Variants in SERINC5 observed in about 807,000 individuals in gnomAD.
SERINC5 encodes the protein chromosome 5 open reading frame 12.
Under a neutral mutation model 63.1 loss-of-function variants are expected in SERINC5, and 41 were observed. The observed-to-expected ratio is 0.65, with a 90% CI of 0.51 to 0.84. The LOEUF is 0.84. Among genes scored for constraint, SERINC5 ranks in the 40% least tolerant of loss-of-function variants. The probability of loss-of-function intolerance (pLI) is 0.00; values close to 1 mark genes in which losing one functional copy is unlikely to be tolerated. For synonymous variants in SERINC5, 222 were observed against 215.2 expected (o/e 1.03, Z -0.28); for missense variants, 523 against 573.0 (o/e 0.91, Z 0.89).
chr5:80,164,345 G>A (rs945123405), intron 7 of SERINC5, among the ~76,000 whole-genome samples: 3 of 150,522 alleles, frequency 2.0e-5, no homozygotes, highest in African/African-American at 7.3e-5. Context: ...TTTTGGGGGG[G>A]AGGGGGGTCT....
At chr5:80,167,647 GC>G (rs1747391557) in intron 6 of SERINC5, among the ~76,000 whole-genome samples, 1 of 152,140 alleles carries the variant, frequency 6.6e-6, no homozygotes, top group African/African-American at 2.4e-5. Flanking sequence ...TTGCCACCCT[GC>G]TTTCCACTAT....
chr5:80,162,802 G>C (rs887304633), intron 7 of SERINC5, among the ~76,000 whole-genome samples: 1 of 151,540 alleles, frequency 6.6e-6, no homozygotes, highest in Non-Finnish European at 1.5e-5. Flanking sequence ...TTCTTGATTT[G>C]GTTCTCTGCT....
intron 2 of SERINC5, among the ~76,000 whole-genome samples, chr5:80,184,920 A>G (rs1748706147): frequency 6.6e-6 from 1 of 152,126 alleles, no homozygotes; most frequent in Non-Finnish European, 1.5e-5. Flanking sequence ...TCTGTTGCCC[A>G]GGCTGGAGTG....
intron 1 of SERINC5, among the ~76,000 whole-genome samples, chr5:80,246,588 A>G (rs1752179249): frequency 6.6e-6 from 1 of 152,296 alleles, no homozygotes; most frequent in South Asian, 2.1e-4. Flanking sequence ...AAAACCCACT[A>G]AGTCTTTCCA....
rs1434235629 is a variant in SERINC5 at position 80,138,885 on chromosome 5, AC to A, written c.*4777del. The A allele has an allele frequency of 2.0e-5, 19 of 974,030 alleles. No individual in the cohort carries two copies. The South Asian group carries it at 2.9e-4, about 15-fold the overall frequency. The allele number at this position is 974,030 out of a possible 1,614,324, so 60.3% of individuals were successfully genotyped here. A position where few individuals can be genotyped will look rare whatever the true frequency, so the allele number is the denominator to read the frequency against. ...TATGTATCTAGCAGAAGAGAAAAAAACAACACAGTTTTAATTTTAAATTTTA... is the reference window on the plus strand; with the variant it reads ...TATGTATCTAGCAGAAGAGAAAAAAAAACACAGTTTTAATTTTAAATTTTA... On this transcript the variant is annotated 3_prime_UTR_variant, in exon 12 of 12. Transcript: ENST00000507668.
chr5:80,133,647 C>G (rs1163640814), intron 11 of SERINC5, among the ~76,000 whole-genome samples: 1 of 152,220 alleles, frequency 6.6e-6, no homozygotes, highest in Non-Finnish European at 1.5e-5. Flanking sequence ...AAGAACAAAT[C>G]TAAGATGCTG....
intron 2 of SERINC5, among the ~76,000 whole-genome samples, chr5:80,188,705 G>A (rs1748992616): frequency 6.6e-6 from 1 of 152,124 alleles, no homozygotes; most frequent in Non-Finnish European, 1.5e-5. Context: ...GGGCAGCACA[G>A]TGAGAGACCC....
intron 2 of SERINC5, among the ~76,000 whole-genome samples, chr5:80,185,540 C>CT (rs56390961): frequency 1 from 152,280 of 152,280 alleles, 76,140 homozygotes; most frequent in Non-Finnish European, 1. Flanking sequence ...ACCAAACAGG[C>CT]TTGTGTGAGC....
At chr5:80,245,223 A>C (rs969618415) in intron 1 of SERINC5, among the ~76,000 whole-genome samples, 1 of 152,194 alleles carries the variant, frequency 6.6e-6, no homozygotes, top group South Asian at 2.1e-4. Flanking sequence ...TGAGAAGCTG[A>C]GAAATGATGG....
chr5:80,127,711 T>A (rs1007548629), intron 11 of SERINC5, among the ~76,000 whole-genome samples: 1 of 152,190 alleles, frequency 6.6e-6, no homozygotes, highest in African/African-American at 2.4e-5. Flanking sequence ...TCAGTTTTGT[T>A]AATATTTTAT....
chr5:80,251,901 A>T (rs1554072993), intron 1 of SERINC5, among the ~76,000 whole-genome samples: 1 of 151,824 alleles, frequency 6.6e-6, no homozygotes, highest in Non-Finnish European at 1.5e-5. Context: ...GAAGCCTATT[A>T]ATTTCAGCAT....
intron 11 of SERINC5, among the ~76,000 whole-genome samples, chr5:80,145,544 T>C (rs141982545): frequency 6.6e-6 from 1 of 152,174 alleles, no homozygotes; most frequent in Non-Finnish European, 1.5e-5. Context: ...GGGAAAAAGA[T>C]ACACAAAATT....
intron 8 of SERINC5, chr5:80,158,602 G>A (rs1323906847): frequency 1.5e-5 from 7 of 473,300 alleles, no homozygotes; most frequent in Non-Finnish European, 2.3e-5. Context: ...AAACAAGTAA[G>A]GTAAACGAAG....
intron 1 of SERINC5, among the ~76,000 whole-genome samples, chr5:80,251,729 C>CA (rs559105559): frequency 0.098 from 9,168 of 93,372 alleles, 370 homozygotes; most frequent in East Asian, 0.22. Context: ...GACGCTGTCT[C>CA]AAAAAAAAAA....
chr5:80,178,048 T>A lies in SERINC5; in HGVS notation c.212A>T (p.Asp71Val). ...KMKEHIPFFE[D>V]MCKGIKAGDT... is the part of the protein sequence containing the mutation. ...ACCAGCTTTAATGCCTTTACACATA[T>A]CTTCAAAAAAAGGAATCTGAGGAGA... The change falls in exon 3 of 12, where the codon GAT (aspartate) becomes GTT (valine). Residue 71 changes from aspartate (D) to valine (V), a missense_variant. Asp to Val is a radical substitution (Grantham distance 152). Transcript: ENST00000507668. 2 of 1,594,236 alleles carry A rather than the reference T, an allele frequency of 1.3e-6. No individual in the cohort carries two copies. The highest frequency in any genetic ancestry group is 1.7e-6 in the Non-Finnish European group (2 of 1,174,104).
intron 11 of SERINC5, among the ~76,000 whole-genome samples, chr5:80,144,358 G>A (rs994809705): frequency 6.6e-6 from 1 of 152,052 alleles, no homozygotes; most frequent in Non-Finnish European, 1.5e-5. Flanking sequence ...TTTTGTCTTA[G>A]GTATACGCTC....
intron 5 of SERINC5, among the ~76,000 whole-genome samples, chr5:80,169,924 A>T (rs1295809507): frequency 6.6e-6 from 1 of 152,186 alleles, no homozygotes; most frequent in Non-Finnish European, 1.5e-5. Flanking sequence ...AAAGCACACA[A>T]GTCACAGAAT....
In SERINC5 at chr5:80,138,970, A is replaced by T. The variant is rs1166227222; in HGVS notation, c.*4693T>A. On this transcript the variant is annotated 3_prime_UTR_variant, in exon 12 of 12. Coordinates refer to ENST00000507668, the MANE Select transcript of SERINC5 (RefSeq NM_001174072.3). ...TATATAGGAAAAGCCTAGTCAATTC[A>T]GATGCTTTCTAGAAAAATTAACATT... 1 of 977,214 alleles carries T rather than the reference A, an allele frequency of 1.0e-6. No homozygotes were observed. Among genetic ancestry groups the T allele is most frequent in the Non-Finnish European group, 1.2e-6 (1 of 822,630 alleles). The allele number at this position is 977,214 out of a possible 1,614,324, so 60.5% of individuals were successfully genotyped here.
At chr5:80,136,284 CA>C (rs11348009), downstream of SERINC5, among the ~76,000 whole-genome samples, 40,936 of 150,500 alleles carry the variant, frequency 0.27, 5,686 homozygotes, top group African/African-American at 0.34. Flanking sequence ...CTCAAAAAAA[CA>C]AAAAAAAATG....
Sources: allele counts gnomAD v4.1 joint callset (sites outside exome capture counted in the v4.1 genomes callset), GRCh38; gene constraint gnomAD v4.1.1; transcripts MANE v1.5; gene names NCBI Gene and HGNC (gene_info 2026-07-23, HGNC 2026-07-21).